ABCC1: variants seen among roughly 807,000 people sequenced by gnomAD.
The protein encoded by ABCC1 is multidrug resistance-associated protein 1.
Under a neutral mutation model 172.9 loss-of-function variants are expected in ABCC1, and 83 were observed. The ratio of observed to expected loss-of-function variants is 0.48; its 90% confidence interval spans 0.40 to 0.58. The LOEUF is 0.58. Among genes scored for constraint, ABCC1 ranks in the 20% least tolerant of loss-of-function variants. ABCC1 has a pLI of 0.00. For synonymous variants in ABCC1, 937 were observed against 825.2 expected, an observed-to-expected ratio of 1.14 and a Z score of -2.32; for missense variants, 1,817 against 2,002.7, an observed-to-expected ratio of 0.91 and a Z score of 1.77.
At chr16:16,065,291 C>G (rs78882469) in intron 12 of ABCC1, among the ~76,000 whole-genome samples, 1 of 152,246 alleles carries the variant, frequency 6.6e-6, no homozygotes, top group Non-Finnish European at 1.5e-5. Context: ...AGATGGGGGC[C>G]TCACTCTGTT....
At chr16:16,054,878 T>C (rs1444599014) in intron 11 of ABCC1, among the ~76,000 whole-genome samples, 2 of 152,230 alleles carry the variant, frequency 1.3e-5, no homozygotes, top group Non-Finnish European at 1.5e-5. Flanking sequence ...ACAACTGCAC[T>C]GCACAAGTAT....
chr16:15,978,337 C>T (rs888076757), intron 1 of ABCC1, among the ~76,000 whole-genome samples: 1 of 152,120 alleles, frequency 6.6e-6, no homozygotes, highest in African/African-American at 2.4e-5. Flanking sequence ...GACTGCTTTC[C>T]AGCCTGGGCA....
intron 5 of ABCC1, among the ~76,000 whole-genome samples, chr16:16,023,936 A>G (rs2048281365): frequency 6.6e-6 from 1 of 152,168 alleles, no homozygotes; most frequent in African/African-American, 2.4e-5. Context: ...CGGCTTGGCT[A>G]GGCTGGGTGC....
chr16:16,113,642 G>A (rs1193191910), intron 22 of ABCC1, among the ~76,000 whole-genome samples: 1 of 152,142 alleles, frequency 6.6e-6, no homozygotes, highest in Non-Finnish European at 1.5e-5. Context: ...GTGACAGGAT[G>A]AGAGAGACCC....
Position 16,102,655 on chromosome 16 carries a change from G to C in ABCC1, c.2673G>C (p.Lys891Asn), listed in dbSNP as rs746100124. 5.0e-6 allele frequency: 8 copies of C among 1,590,876 alleles called. No individual in the cohort carries two copies. In the South Asian group the frequency reaches 8.0e-5, roughly 16 times the overall value. The change falls in exon 20 of 31, where the codon AAG becomes AAC. Residue 891 changes from lysine to asparagine, a missense_variant. Lys to Asn is a moderately conservative substitution (Grantham distance 94, BLOSUM62 0). Around this residue, in one of 3 missense-constraint regions of ABCC1, gnomAD observed 1,412 missense variants for 1,600.3 expected, o/e 0.88. Coordinates refer to ENST00000399410, the MANE Select transcript of ABCC1 (RefSeq NM_004996.4). ...NGVTGVSGPG[K>N]EAKQMENGML... ...TCACGGGCGTCAGCGGTCCAGGGAA[G>C]GAAGCAAAGCAAATGGAGAATGGCA...
Position 16,033,137 on chromosome 16 carries a change from T to G in ABCC1, c.644T>G (p.Phe215Cys). 1 of 1,614,162 alleles carries G rather than the reference T, an allele frequency of 6.2e-7. No homozygotes were observed. Among genetic ancestry groups the G allele is most frequent in the Non-Finnish European group, 8.5e-7 (1 of 1,180,030 alleles). The change falls in exon 6 of 31, where the codon TTC becomes TGC. Residue 215 changes from phenylalanine to cysteine, a missense_variant. Phe to Cys is a radical substitution (Grantham distance 205). Coordinates refer to ENST00000399410, the MANE Select transcript of ABCC1 (RefSeq NM_004996.4). The stretch of plus-strand genomic sequence containing the variant: ...CCCTGCCCAGAGTCCAGCGCTTCCT[T>G]CCTGTCGAGGATCACCTTCTGGTGG... The part of the protein sequence containing the change: ...PNPCPESSAS[F>C]LSRITFWWIT...
chr16:15,949,758 C>T lies in ABCC1; in HGVS notation c.7C>T (p.Leu3Phe). The T allele has an allele frequency of 8.4e-7, 1 of 1,192,382 alleles. No individual in the cohort carries two copies. The allele number at this position is 1,192,382 out of a possible 1,614,324, so 73.9% of individuals were successfully genotyped here. A position where few individuals can be genotyped will look rare whatever the true frequency, so the allele number is the denominator to read the frequency against. The change falls in exon 1 of 31, where the codon CTC becomes TTC. Residue 3 changes from leucine (L) to phenylalanine (F), a missense_variant. Physicochemically the swap from Leu to Phe is conservative, Grantham distance 22. This residue lies in a region of ABCC1 where 398 missense variants were observed against 384.2 expected (regional missense o/e 1.04). Coordinates refer to ENST00000399410, the MANE Select transcript of ABCC1 (RefSeq NM_004996.4). MA[L>F]RGFCSADGSD... ...CGCCGCCCGCGCCACCGGCATGGCG[C>T]TCCGGGGCTTCTGCAGCGCCGATGG...
chr16:16,000,658 T>C (rs1310871431), intron 1 of ABCC1, among the ~76,000 whole-genome samples: 1 of 150,684 alleles, frequency 6.6e-6, no homozygotes, highest in Non-Finnish European at 1.5e-5. Context: ...GAGGGTATCA[T>C]TATGTTTCCC....
intron 1 of ABCC1, among the ~76,000 whole-genome samples, chr16:15,962,523 T>G (rs2046157561): frequency 6.6e-6 from 1 of 152,140 alleles, no homozygotes; most frequent in African/African-American, 2.4e-5. Flanking sequence ...GACTGCGTAG[T>G]TTATAAAGGA....
Position 16,111,477 on chromosome 16 carries a change from T to A in ABCC1, c.2974T>A (p.Ser992Thr). The A allele has an allele frequency of 6.2e-7, 1 of 1,614,190 alleles. No homozygotes were observed. The highest frequency in any genetic ancestry group is 1.1e-5 in the South Asian group (1 of 91,076). Residue 992 changes from serine to threonine, a missense_variant, in exon 22 of 31, where the codon TCC becomes ACC. This residue lies in a region of ABCC1 where 1,412 missense variants were observed against 1,600.3 expected (regional missense o/e 0.88). Transcript: ENST00000399410. ...GTGTAACCATGTGTCCGCGCTGGCT[T>A]CCAACTATTGGCTCAGCCTCTGGAC... ...FMCNHVSALA[S>T]NYWLSLWTDD...
At chr16:16,083,341 A>G in intron 16 of ABCC1, 25 bp from the exon 17 acceptor site, 5 of 1,609,438 alleles carry the variant, frequency 3.1e-6, no homozygotes, top group Non-Finnish European at 4.2e-6. Flanking sequence ...TGTCTGTCTC[A>G]CCTCGTTCTC....
chr16:16,006,918 G>GA (rs2047559226), intron 1 of ABCC1, among the ~76,000 whole-genome samples: 1 of 92,984 alleles, frequency 1.1e-5, no homozygotes, highest in African/African-American at 3.6e-5. Flanking sequence ...GATGATGATG[G>GA]TGGTGATGGT....
At chr16:16,096,259 C>T (rs76793944) in intron 19 of ABCC1, among the ~76,000 whole-genome samples, 11,565 of 152,060 alleles carry the variant, frequency 0.076, 574 homozygotes, top group East Asian at 0.22. Flanking sequence ...AAAAAACTCC[C>T]GAGAAAGAAC....
intron 20 of ABCC1, among the ~76,000 whole-genome samples, chr16:16,104,055 G>C (rs943846997): frequency 6.6e-6 from 1 of 152,118 alleles, no homozygotes; most frequent in Non-Finnish European, 1.5e-5. Flanking sequence ...GGAGTCGTTC[G>C]TTCCTCCCGC....
At chr16:16,075,196 C>T (rs1463175661) in intron 14 of ABCC1, among the ~76,000 whole-genome samples, 4 of 152,010 alleles carry the variant, frequency 2.6e-5, no homozygotes, top group Admixed American at 6.5e-5. Context: ...CTGCCCGCCT[C>T]GGTCTCCCGA....
In ABCC1 at chr16:16,025,684, T is replaced by C. The variant is rs577218558; in HGVS notation, c.616-7425T>C. The stretch of plus-strand genomic sequence containing the variant: ...ACCCTGCGCTCCAAGAATCAGTGCC[T>C]GGGGCTGCCGTACCTAATTGGTTCA... On this transcript the variant is annotated intron_variant, in intron 5 of 30. Coordinates refer to ENST00000399410, the MANE Select transcript of ABCC1 (RefSeq NM_004996.4). Among the ~76,000 whole-genome samples, 85 of 152,288 alleles carry C rather than the reference T, an allele frequency of 5.6e-4. 1 individual carries two copies. The highest frequency in any genetic ancestry group is 1.8e-3 in the African/African-American group (73 of 41,556).
At chr16:16,102,785 C>CA in intron 20 of ABCC1, 68 bp downstream of exon 20, 7 of 1,448,744 alleles carry the variant, frequency 4.8e-6, no homozygotes, top group Non-Finnish European at 5.6e-6. Context: ...AGAGGAGGAA[C>CA]AAAAAAAGGC....
chr16:16,109,352 T>C (rs2052286714), intron 21 of ABCC1, among the ~76,000 whole-genome samples: 1 of 152,044 alleles, frequency 6.6e-6, no homozygotes, highest in South Asian at 2.1e-4. Flanking sequence ...AATTTTAAAA[T>C]TTTTTGTAGA....
intron 1 of ABCC1, among the ~76,000 whole-genome samples, chr16:15,959,344 G>A (rs1467463795): frequency 6.6e-6 from 1 of 151,154 alleles, no homozygotes. Context: ...TTTTTCTTTT[G>A]AGACAGGGTC....
Sources: allele counts gnomAD v4.1 joint callset (sites outside exome capture counted in the v4.1 genomes callset), GRCh38; gene constraint gnomAD v4.1.1; regional missense constraint gnomAD v4.1.1; transcripts MANE v1.5; gene names NCBI Gene and HGNC (gene_info 2026-07-23, HGNC 2026-07-21).